The following USP9X variants were observed in gnomAD, a reference collection of about 807,000 sequenced individuals.
USP9X encodes ubiquitin carboxyl-terminal hydrolase 9X.
Under a neutral mutation model 190.3 loss-of-function variants are expected in USP9X, and 7 were observed. The ratio of observed to expected loss-of-function variants is 0.04; its 90% CI spans 0.02 to 0.07. USP9X has a LOEUF of 0.07. USP9X is among the 10% of genes least tolerant of loss of function. USP9X has a pLI of 1.00. For missense variants in USP9X, 1,010 were observed against 1,916.9 expected, an observed-to-expected ratio of 0.53 and a Z score of 8.83; for synonymous variants, 645 against 659.5, an observed-to-expected ratio of 0.98 and a Z score of 0.34.
At chrX:41,122,276 C>T (rs1483391282) in intron 1 of USP9X, among the ~76,000 whole-genome samples, 4 of 111,175 alleles carry the variant, frequency 3.6e-5, no homozygotes, top group South Asian at 3.8e-4. Context: ...ACTCTGTATG[C>T]GTGCACCCCT....
chrX:41,122,741 C>T (rs1407602142), intron 1 of USP9X, among the ~76,000 whole-genome samples: 1 of 111,934 alleles, frequency 8.9e-6, no homozygotes, highest in Non-Finnish European at 1.9e-5. Context: ...AATCAGGTCA[C>T]AGGGACTTGA....
chrX:41,172,012 T>G, intron 21 of USP9X, 54 bp downstream of exon 21: 1 of 1,180,811 alleles, frequency 8.5e-7, no homozygotes, highest in African/African-American at 1.8e-5. Flanking sequence ...AGGAGTATAT[T>G]AGCAAATTCT....
In USP9X at chrX:41,099,113, TTTTTTTTTTA is replaced by T. The variant is rs1216330566; in HGVS notation, c.-159+13005_-159+13014del. ...AGATAATTGTTTTTTTTTTTTTTTTTTTTTTTTTTAAACAGAGATGGAGTCTCACTATGTT... is the reference window on the plus strand; with the variant it reads ...AGATAATTGTTTTTTTTTTTTTTTTTAACAGAGATGGAGTCTCACTATGTT... On this transcript the variant is annotated intron_variant, in intron 1 of 44. Coordinates refer to ENST00000378308, the MANE Select transcript of USP9X (RefSeq NM_001039591.3). Among the ~76,000 whole-genome samples, 68 of 91,804 alleles carry T rather than the reference TTTTTTTTTTA, an allele frequency of 7.4e-4. 2 individuals are homozygous for T. The highest frequency in any genetic ancestry group is 4.7e-3 in the Middle Eastern group (1 of 215). 79.7% of individuals were successfully genotyped at this position (91,804 alleles called of 115,157 possible). A position where few individuals can be genotyped will look rare whatever the true frequency, so the allele number is the denominator to read the frequency against.
At chrX:41,213,034 C>T (rs1041452846) in intron 33 of USP9X, among the ~76,000 whole-genome samples, 1 of 111,985 alleles carries the variant, frequency 8.9e-6, no homozygotes, top group Non-Finnish European at 1.9e-5. Context: ...AGACAATTTT[C>T]TAAATTATTT....
intron 1 of USP9X, among the ~76,000 whole-genome samples, chrX:41,101,281 A>C (rs1298512084): frequency 9.1e-6 from 1 of 110,400 alleles, no homozygotes; most frequent in Non-Finnish European, 1.9e-5. Context: ...CAAAGATATA[A>C]AGACTTTAGA....
intron 32 of USP9X, among the ~76,000 whole-genome samples, chrX:41,210,041 T>A (rs920788640): frequency 8.9e-6 from 1 of 111,951 alleles, no homozygotes; most frequent in African/African-American, 3.2e-5. Context: ...GGGAAAAAAA[T>A]AAATTTAAGA....
chrX:41,214,769 G>A (rs1038215467), intron 34 of USP9X, 60 bp downstream of exon 34: 1 of 1,095,923 alleles, frequency 9.1e-7, no homozygotes, highest in African/African-American at 1.9e-5. Context: ...GAAGAAATTG[G>A]TTTTTTTGGT....
chrX:41,100,761 C>T (rs2062028181), intron 1 of USP9X, among the ~76,000 whole-genome samples: 1 of 111,047 alleles, frequency 9.0e-6, no homozygotes, highest in Admixed American at 9.6e-5. Context: ...ATTCTCCTAC[C>T]TCAGCCTCCT....
At chrX:41,092,504 T>C (rs2061961848) in intron 1 of USP9X, among the ~76,000 whole-genome samples, 1 of 111,515 alleles carries the variant, frequency 9.0e-6, no homozygotes. Flanking sequence ...CTCTGCTTGG[T>C]AACATCTCTG....
chrX:41,190,970 C>T (rs937005345), intron 26 of USP9X, among the ~76,000 whole-genome samples: 2 of 111,040 alleles, frequency 1.8e-5, no homozygotes, highest in East Asian at 5.6e-4. Flanking sequence ...CATTATTTCC[C>T]GTTAGTAAGA....
intron 4 of USP9X, 145 bp downstream of exon 4, chrX:41,131,681 A>G: frequency 2.5e-6 from 1 of 401,443 alleles, no homozygotes; most frequent in Non-Finnish European, 4.1e-6. Context: ...TCCTTTGGAC[A>G]TTCTTAAAGG....
At chrX:41,162,601 A>G (rs1300666322) in intron 14 of USP9X, among the ~76,000 whole-genome samples, 189 bp from the exon 15 acceptor site, 1 of 112,176 alleles carries the variant, frequency 8.9e-6, no homozygotes, top group African/African-American at 3.2e-5. Context: ...TGTTTTGGTT[A>G]TGTAACAGGA....
At chrX:41,117,640 C>A (rs1401495933) in intron 1 of USP9X, among the ~76,000 whole-genome samples, 1 of 97,547 alleles carries the variant, frequency 1.0e-5, no homozygotes, top group Non-Finnish European at 2.0e-5. Context: ...TGCAGTGGTG[C>A]GACCTCGGCT....
At chrX:41,225,218 T>C in intron 41 of USP9X, 81 bp downstream of exon 41, 1 of 922,570 alleles carries the variant, frequency 1.1e-6, no homozygotes, top group South Asian at 2.2e-5. Context: ...CACCACATTT[T>C]TTTTAACCTA....
intron 11 of USP9X, 79 bp from the exon 12 acceptor site, chrX:41,148,290 G>T (rs2062488816): frequency 9.5e-7 from 1 of 1,048,576 alleles, no homozygotes; most frequent in South Asian, 2.0e-5. Flanking sequence ...TGATGAATTT[G>T]AATATAGTTA....
chrX:41,211,619 G>C (rs1185695097), intron 33 of USP9X, among the ~76,000 whole-genome samples: 2 of 112,061 alleles, frequency 1.8e-5, no homozygotes. Context: ...TGGGAAGTGA[G>C]GAGCCCCTCT....
At chrX:41,183,473 T>TGACAAAAG (rs1262260167) in intron 21 of USP9X, among the ~76,000 whole-genome samples, 8 of 111,740 alleles carry the variant, frequency 7.2e-5, no homozygotes, top group African/African-American at 2.6e-4. Flanking sequence ...TTTAATATTA[T>TGACAAAAG]GACAAAAGGA....
rs1021617630 is a variant in USP9X at position 41,141,375 on chromosome X, A to G, written c.1105A>G (p.Thr369Ala). 8.3e-7 allele frequency: 1 copy of G among 1,204,319 alleles called. No individual in the cohort carries two copies. The highest frequency in any genetic ancestry group is 1.1e-6 in the Non-Finnish European group (1 of 892,264). Residue 369 changes from threonine to alanine, a missense_variant, in exon 9 of 45, where the codon ACT becomes GCT. Physicochemically the swap from Thr to Ala is moderately conservative, Grantham distance 58. Transcript: ENST00000378308. ...NKVISSVSYY[T>A]HRHGNPEEEE... ...GGTGATATCTAGTGTATCATACTATACTCATCGACATGGTAATCCTGAGGA... is the reference window on the plus strand; with the variant it reads ...GGTGATATCTAGTGTATCATACTATGCTCATCGACATGGTAATCCTGAGGA...
chrX:41,198,861 G>A (rs2063013755), intron 30 of USP9X, 111 bp downstream of exon 30: 1 of 754,881 alleles, frequency 1.3e-6, no homozygotes, highest in African/African-American at 2.1e-5. Flanking sequence ...TCAGTAACTA[G>A]TTTAACATTT....
Sources: allele counts gnomAD v4.1 joint callset (sites outside exome capture counted in the v4.1 genomes callset), GRCh38; gene constraint gnomAD v4.1.1; transcripts MANE v1.5; gene names NCBI Gene and HGNC (gene_info 2026-07-23, HGNC 2026-07-21).